Variants in TARBP1 observed in about 807,000 individuals in gnomAD.
The protein encoded by TARBP1 is tRNA (guanosine(18)-2'-O)-methyltransferase TARBP1.
A neutral mutation model predicts 178.6 loss-of-function variants in TARBP1; 144 were observed. That is an observed-to-expected ratio of 0.81 (90% CI 0.70 to 0.93). The LOEUF (loss-of-function observed/expected upper bound fraction) is 0.93. Ranked by LOEUF, TARBP1 falls within the 40% of genes least tolerant of loss-of-function variation. The pLI, the probability that TARBP1 is intolerant of heterozygous loss-of-function variation, is 0.00. For synonymous variants in TARBP1, 787 were observed against 781.0 expected, an observed-to-expected ratio of 1.01 and a Z score of -0.13; for missense variants, 2,067 against 2,011.7, an observed-to-expected ratio of 1.03 and a Z score of -0.53.
intron 1 of TARBP1, among the ~76,000 whole-genome samples, chr1:234,476,626 A>C (rs1196362592): frequency 1.3e-5 from 2 of 152,214 alleles, no homozygotes; most frequent in African/African-American, 2.4e-5. Flanking sequence ...CATATGAAAA[A>C]CTTGCAGGAA....
intron 26 of TARBP1, among the ~76,000 whole-genome samples, chr1:234,396,709 T>C (rs1290008089): frequency 1.3e-5 from 2 of 151,576 alleles, no homozygotes; most frequent in Admixed American, 6.6e-5. Flanking sequence ...CCCAGAACTC[T>C]CCTCCAGAGA....
intron 5 of TARBP1, among the ~76,000 whole-genome samples, chr1:234,464,816 G>C (rs1004290177): frequency 1.3e-4 from 20 of 152,096 alleles, no homozygotes; most frequent in African/African-American, 4.1e-4. Context: ...AAGAGCAAGG[G>C]AAATTTTTGA....
At chr1:234,453,737 T>C (rs1221195393) in intron 9 of TARBP1, among the ~76,000 whole-genome samples, 2 of 151,550 alleles carry the variant, frequency 1.3e-5, no homozygotes, top group South Asian at 2.1e-4. Flanking sequence ...TATACATACA[T>C]GTAAGTGCTT....
In TARBP1 at chr1:234,478,979, C is replaced by T. The variant is rs754509498; in HGVS notation, c.125G>A (p.Arg42Gln). The change falls in exon 1 of 30, where the codon CGG becomes CAG. Residue 42 changes from arginine (R) to glutamine (Q), a missense_variant. Arg to Gln is a conservative substitution (Grantham distance 43). Transcript: ENST00000040877. ...RVETLRFLLQ[R>Q]LEDEEARGSG... is the part of the protein sequence containing the mutation. ...GCCGCGCGCCTCCTCGTCCTCGAGC[C>T]GCTGCAGAAGGAAGCGCAGCGTCTC... 7 of 1,482,264 alleles carry T rather than the reference C, an allele frequency of 4.7e-6. No individual in the cohort carries two copies. Among genetic ancestry groups the T allele is most frequent in the Admixed American group, 2.4e-5 (1 of 41,574 alleles). The allele number at this position is 1,482,264 out of a possible 1,614,324, so 91.8% of individuals were successfully genotyped here. A position where few individuals can be genotyped will look rare whatever the true frequency, so the allele number is the denominator to read the frequency against.
At chr1:234,418,051 TTTAAAAATATA>T in intron 22 of TARBP1, 22 bp downstream of exon 22, 1 of 1,181,644 alleles carries the variant, frequency 8.5e-7, no homozygotes, top group Non-Finnish European at 1.1e-6. Context: ...CATGTCTTAG[TTTAAAAATATA>T]TAAAAAATAT....
chr1:234,410,500 G>T lies in TARBP1; in HGVS notation c.3737C>A (p.Thr1246Lys), dbSNP rs188908188. 64 of 1,511,944 alleles carry T rather than the reference G, an allele frequency of 4.2e-5. No individual in the cohort carries two copies. In the South Asian group the frequency reaches 7.1e-4, roughly 17 times the overall value. 93.7% of individuals were successfully genotyped at this position (1,511,944 alleles called of 1,614,324 possible). The change falls in exon 23 of 30, where the codon ACG becomes AAG. Residue 1246 changes from threonine to lysine, a missense_variant. By Grantham distance (78) the Thr-to-Lys change is moderately conservative (BLOSUM62 -1). Coordinates refer to ENST00000040877, the MANE Select transcript of TARBP1 (RefSeq NM_005646.4). Reference protein sequence around the residue: ...GEENLKTSICTFLAVLSHLDI... With the variant: ...GEENLKTSICKFLAVLSHLDI... ...TAAATGTGATAAAACTGCTAAAAAC[G>T]TACAAATGCTTGTTTTAAGATTTTC...
chr1:234,393,263 TTACAAA>T (rs1403872592), intron 28 of TARBP1, 93 bp downstream of exon 28: 4 of 1,256,758 alleles, frequency 3.2e-6, no homozygotes, highest in Non-Finnish European at 4.1e-6. Context: ...TAAAATATTT[TTACAAA>T]TACAAACTTT....
At chr1:234,454,051 C>A (rs1453713163) in intron 9 of TARBP1, among the ~76,000 whole-genome samples, 3 of 152,164 alleles carry the variant, frequency 2.0e-5, no homozygotes, top group African/African-American at 7.2e-5. Context: ...ACAAATAATA[C>A]AACAGGCAAA....
At chr1:234,473,649 T>C (rs1669287320) in intron 1 of TARBP1, among the ~76,000 whole-genome samples, 1 of 152,220 alleles carries the variant, frequency 6.6e-6, no homozygotes, top group Non-Finnish European at 1.5e-5. Context: ...ATATCAGAGA[T>C]TCCTTAATGA....
At chr1:234,419,064 C>T (rs1197252744) in intron 21 of TARBP1, among the ~76,000 whole-genome samples, 1 of 151,780 alleles carries the variant, frequency 6.6e-6, no homozygotes, top group Non-Finnish European at 1.5e-5. Flanking sequence ...CCCAGCTACG[C>T]GGGAGGCTGA....
chr1:234,406,234 C>G, intron 23 of TARBP1, 135 bp from the exon 24 acceptor site: 1 of 743,410 alleles, frequency 1.3e-6, no homozygotes, highest in South Asian at 1.9e-5. Context: ...GCTACCAGGG[C>G]CTCTCATTCT....
In TARBP1 at chr1:234,463,835, A is replaced by G. The variant is rs1668159868; in HGVS notation, c.1399+2T>C. The G allele has an allele frequency of 1.3e-6, 2 of 1,538,506 alleles. No individual in the cohort carries two copies. Among genetic ancestry groups the G allele is most frequent in the Non-Finnish European group, 1.8e-6 (2 of 1,140,450 alleles). On this transcript the variant is annotated splice_donor_variant, in intron 6 of 29. Coordinates refer to ENST00000040877, the MANE Select transcript of TARBP1 (RefSeq NM_005646.4). LOFTEE classifies it high-confidence loss of function. ...TTAAAAAAACCCTTTACTGACACATACTCTTTATTTCTTCTGGAAGAAGAG... is the reference window on the plus strand; with the variant it reads ...TTAAAAAAACCCTTTACTGACACATGCTCTTTATTTCTTCTGGAAGAAGAG...
At chr1:234,432,646 G>T (rs899502756) in intron 14 of TARBP1, among the ~76,000 whole-genome samples, 1 of 152,148 alleles carries the variant, frequency 6.6e-6, no homozygotes. Context: ...TATGCTGGAG[G>T]AGAGGGCACT....
At chr1:234,472,342 A>C (rs1454759253) in intron 2 of TARBP1, among the ~76,000 whole-genome samples, 3 of 150,240 alleles carry the variant, frequency 2.0e-5, no homozygotes, top group Non-Finnish European at 4.4e-5. Flanking sequence ...AAAAAAAAAA[A>C]AAAAAAAAAA....
In TARBP1 at chr1:234,450,497, G is replaced by A; in HGVS notation, c.1792C>T (p.His598Tyr). 4 of 1,611,616 alleles carry A rather than the reference G, an allele frequency of 2.5e-6. No individual in the cohort carries two copies. The highest frequency in any genetic ancestry group is 3.4e-6 in the Non-Finnish European group (4 of 1,179,114). The part of the protein sequence containing the change: ...PSPTCSSIGL[H>Y]KTSLNAYVKS... ...ACATAAGCATTTAAAGATGTCTTGT[G>A]AAGTCCAATGGAGCTACACGTAGGG... Residue 598 changes from histidine (H) to tyrosine (Y), a missense_variant, in exon 10 of 30, where the codon CAC (histidine) becomes TAC (tyrosine). Transcript: ENST00000040877.
At chr1:234,438,942 C>T (rs982644185) in intron 12 of TARBP1, among the ~76,000 whole-genome samples, 10 of 151,966 alleles carry the variant, frequency 6.6e-5, no homozygotes, top group African/African-American at 9.7e-5. Context: ...GGAGTTCTCA[C>T]GAGAAACCAG....
In TARBP1 at chr1:234,451,581, T is replaced by G. The variant is rs1666763528; in HGVS notation, c.1723-1015A>C. 5.1e-5 allele frequency among the ~76,000 whole-genome samples: 4 copies of G among 78,120 alleles called. 2 individuals carry two copies. In the South Asian group the frequency reaches 1.6e-3, roughly 31 times the overall value. 51.2% of individuals were successfully genotyped at this position (78,120 alleles called of 152,430 possible). A position where few individuals can be genotyped will look rare whatever the true frequency, so the allele number is the denominator to read the frequency against. ...GCTAAAAACGGTGAAACCCCGTCTC[T>G]ACTAAAAATACAAAAAAATTAGCCG... On this transcript the variant is annotated intron_variant, in intron 9 of 29. Coordinates refer to ENST00000040877, the MANE Select transcript of TARBP1 (RefSeq NM_005646.4).
chr1:234,476,212 T>C (rs12081021), intron 1 of TARBP1, among the ~76,000 whole-genome samples: 1,979 of 152,026 alleles, frequency 0.013, 52 homozygotes, highest in African/African-American at 0.046. Flanking sequence ...AAGCGTCAAA[T>C]GGAAATGAGA....
At position 234,391,515 on chromosome 1, in the gene TARBP1, A is replaced by C; in HGVS notation, c.*62T>G. ...AATAAATTTCAGAATCTGTTTCTTT[A>C]GTCCAAATAGTTTTTTTTAAAAAAG... On this transcript the variant is annotated 3_prime_UTR_variant, in exon 30 of 30. Transcript: ENST00000040877. 1 of 1,471,646 alleles carries C rather than the reference A, an allele frequency of 6.8e-7. No homozygotes were observed. The allele number at this position is 1,471,646 out of a possible 1,614,324, so 91.2% of individuals were successfully genotyped here. A position where few individuals can be genotyped will look rare whatever the true frequency, so the allele number is the denominator to read the frequency against.
Sources: allele counts gnomAD v4.1 joint callset (sites outside exome capture counted in the v4.1 genomes callset), GRCh38; gene constraint gnomAD v4.1.1; transcripts MANE v1.5; gene names NCBI Gene and HGNC (gene_info 2026-07-23, HGNC 2026-07-21).